ZBTB37: variants seen among roughly 807,000 people sequenced by gnomAD.
ZBTB37 encodes zinc finger and BTB domain-containing protein 37.
A neutral mutation model predicts 37.7 loss-of-function variants in ZBTB37; 15 were observed. The observed-to-expected ratio is 0.40, with a 90% CI of 0.27 to 0.61. The LOEUF is 0.61. ZBTB37 is among the 20% of genes least tolerant of loss of function. The pLI is 0.44. For synonymous variants in ZBTB37, 231 were observed against 220.6 expected (o/e 1.05, Z -0.42); for missense variants, 514 against 641.9 (o/e 0.80, Z 2.15).
chr1:173,885,425 G>T (rs537494751), intron 4 of ZBTB37, among the ~76,000 whole-genome samples: 23 of 152,178 alleles, frequency 1.5e-4, no homozygotes, highest in African/African-American at 5.1e-4. Flanking sequence ...ACTTTACTGT[G>T]TTGTTCTTTT....
At chr1:173,888,112 G>A (rs1656699507), downstream of ZBTB37, 1 of 152,186 alleles carries the variant, frequency 6.6e-6, no homozygotes. Context: ...GTCTTTAGAA[G>A]ACATAGACTG....
chr1:173,888,192 G>C (rs1275589639), downstream of ZBTB37: 1 of 152,126 alleles, frequency 6.6e-6, no homozygotes, highest in Non-Finnish European at 1.5e-5. Flanking sequence ...CATCTTTAGG[G>C]ACTGGCTGTG....
chr1:173,890,679 G>A (rs1470768772), downstream of ZBTB37: 3 of 152,154 alleles, frequency 2.0e-5, no homozygotes, highest in Admixed American at 1.3e-4. Context: ...TAGGACTTAC[G>A]GAATTAGATC....
chr1:173,902,813 C>G (rs1280158422), exon 4 of ZBTB37: 1 of 152,086 alleles, frequency 6.6e-6, no homozygotes, highest in Admixed American at 6.6e-5. Flanking sequence ...CTTACCAGAC[C>G]CTGTGAAATG....
exon 5 of ZBTB37, chr1:173,886,312 C>A: frequency 1.2e-6 from 1 of 832,244 alleles, no homozygotes; most frequent in Non-Finnish European, 1.8e-6. Context: ...CTTCTTATTG[C>A]CCGCCTCACA....
Position 173,876,665 on chromosome 1 carries a change from G to A in ZBTB37, c.1023+3099G>A, listed in dbSNP as rs111784074. Among the ~76,000 whole-genome samples, 422 of 152,300 alleles carry A rather than the reference G, an allele frequency of 2.8e-3. 2 individuals are homozygous for A. The highest frequency in any genetic ancestry group is 9.7e-3 in the African/African-American group (402 of 41,564). Reference sequence around the variant, plus strand: ...GTGCATGGTATAGTAATAGCCGTAAGACATTGTTACAAACTGTGTTTTTTA... The same window carrying A: ...GTGCATGGTATAGTAATAGCCGTAAAACATTGTTACAAACTGTGTTTTTTA... On this transcript the variant is annotated intron_variant, in intron 4 of 4. Transcript: ENST00000427304.
exon 4 of ZBTB37, chr1:173,892,834 CT>C (rs2102759643): frequency 6.6e-6 from 1 of 152,214 alleles, no homozygotes; most frequent in African/African-American, 2.4e-5. Context: ...TGTCTATTGC[CT>C]GCGTCTTTCA....
At chr1:173,873,660 G>A (rs1352484820) in intron 4 of ZBTB37, 94 bp downstream of exon 4, 1 of 1,530,516 alleles carries the variant, frequency 6.5e-7, no homozygotes. Context: ...ATGTAGGAGA[G>A]GTAACAATGG....
downstream of ZBTB37, chr1:173,888,885 A>G (rs756763555): frequency 2.8e-4 from 42 of 152,238 alleles, no homozygotes; most frequent in Non-Finnish European, 5.3e-4. Context: ...AGGGTTAGCA[A>G]CAAACAAATG....
At chr1:173,895,601 C>G (rs1657015702) in exon 4 of ZBTB37, 1 of 152,188 alleles carries the variant, frequency 6.6e-6, no homozygotes, top group East Asian at 1.9e-4. Flanking sequence ...TAATCCCATT[C>G]TACCTCTACA....
At chr1:173,889,772 T>C (rs917530849), downstream of ZBTB37, 1 of 152,226 alleles carries the variant, frequency 6.6e-6, no homozygotes, top group African/African-American at 2.4e-5. Context: ...TTTATTATAA[T>C]AGAGGGTTAA....
chr1:173,873,620 G>A, intron 4 of ZBTB37, 54 bp downstream of exon 4: 1 of 1,602,044 alleles, frequency 6.2e-7, no homozygotes, highest in Non-Finnish European at 8.5e-7. Context: ...TTGCTACTGT[G>A]TATGAATAGA....
chr1:173,897,335 C>G (rs1254732512), exon 4 of ZBTB37: 2 of 152,112 alleles, frequency 1.3e-5, no homozygotes, highest in Non-Finnish European at 2.9e-5. Context: ...CTTGCACTTT[C>G]TATTTGTAAA....
chr1:173,900,259 T>G (rs1018457810), exon 4 of ZBTB37: 1 of 152,226 alleles, frequency 6.6e-6, no homozygotes, highest in African/African-American at 2.4e-5. Flanking sequence ...GGCTTAAGTA[T>G]TTCTGAATAA....
At chr1:173,869,392 T>G (rs1655338635) in intron 2 of ZBTB37, among the ~76,000 whole-genome samples, 1 of 152,242 alleles carries the variant, frequency 6.6e-6, no homozygotes, top group Admixed American at 6.5e-5. Flanking sequence ...TCAGCCATTT[T>G]TTAAAAATAT....
chr1:173,870,996 G>C (rs768160920), exon 3 of ZBTB37: 29 of 1,614,110 alleles, frequency 1.8e-5, no homozygotes, highest in Non-Finnish European at 1.6e-5. Flanking sequence ...TTGGGCCTGA[G>C]AATCAGCCTT....
chr1:173,882,837 T>C (rs542629139), intron 4 of ZBTB37, among the ~76,000 whole-genome samples: 2 of 152,338 alleles, frequency 1.3e-5, no homozygotes, highest in South Asian at 4.1e-4. Flanking sequence ...AAATAGGAAA[T>C]CCTTTCAGAG....
At chr1:173,870,776 T>C in exon 3 of ZBTB37, 2 of 1,614,214 alleles carry the variant, frequency 1.2e-6, no homozygotes, top group Non-Finnish European at 1.7e-6. Flanking sequence ...GTGCTGGATA[T>C]CAGAGAGCTA....
intron 4 of ZBTB37, among the ~76,000 whole-genome samples, chr1:173,874,338 CTT>C (rs371801992): frequency 5.7e-5 from 8 of 141,230 alleles, no homozygotes; most frequent in Middle Eastern, 3.6e-3. Flanking sequence ...TAGAAAACAT[CTT>C]TTTTTTTTTT....
Sources: allele counts gnomAD v4.1 joint callset (sites outside exome capture counted in the v4.1 genomes callset), GRCh38; gene constraint gnomAD v4.1.1; transcripts MANE v1.5; gene names NCBI Gene and HGNC (gene_info 2026-07-23, HGNC 2026-07-21).